Variants in C12orf42 observed in about 807,000 individuals in gnomAD.
The protein encoded by C12orf42 is chromosome 12 open reading frame 42.
C12orf42 carries 25 observed loss-of-function variants against 21.6 expected under a neutral mutation model. The observed-to-expected ratio is 1.16, with a 90% CI of 0.84 to 1.62. The LOEUF (loss-of-function observed/expected upper bound fraction) is 1.62, where lower values mean the gene tolerates loss of function less well. C12orf42 is among the 40% of genes most tolerant of loss of function. The pLI, the probability that C12orf42 is intolerant of heterozygous loss-of-function variation, is 0.00. For synonymous variants in C12orf42, 174 were observed against 175.0 expected, an observed-to-expected ratio of 0.99 and a Z score of 0.05; for missense variants, 483 against 459.3, an observed-to-expected ratio of 1.05 and a Z score of -0.47.
chr12:103,501,120 T>C, the C12orf42 span, among the ~76,000 whole-genome samples: 37 of 152,182 alleles, frequency 2.4e-4, no homozygotes, highest in South Asian at 6.2e-4. Flanking sequence ...AGTCACAAGA[T>C]TGTGAGACGG....
chr12:103,461,793 C>G (rs1952721185), intron 2 of C12orf42, among the ~76,000 whole-genome samples: 3 of 152,214 alleles, frequency 2.0e-5, no homozygotes, highest in Admixed American at 2.0e-4. Context: ...TTCAGAATCT[C>G]CATTTCTACA....
chr12:103,500,257 T>A (rs1196543590), upstream of C12orf42, among the ~76,000 whole-genome samples: 1 of 152,216 alleles, frequency 6.6e-6, no homozygotes, highest in Non-Finnish European at 1.5e-5. Context: ...GTGAAGCATG[T>A]TTGAAAGATA....
chr12:103,068,026 T>C, the C12orf42 span, among the ~76,000 whole-genome samples: 3 of 152,092 alleles, frequency 2.0e-5, no homozygotes, highest in Admixed American at 6.5e-5. Context: ...CCTTCAGGAA[T>C]GAAGGTTTGT....
chr12:103,286,762 TAA>T (rs1429085419), intron 4 of C12orf42, among the ~76,000 whole-genome samples: 1 of 152,082 alleles, frequency 6.6e-6, no homozygotes, highest in African/African-American at 2.4e-5. Context: ...CAAATTGGAA[TAA>T]GTTGATATAT....
intron 4 of C12orf42, among the ~76,000 whole-genome samples, chr12:103,277,620 T>C (rs1426403291): frequency 6.6e-6 from 1 of 151,354 alleles, no homozygotes; most frequent in Admixed American, 6.6e-5. Context: ...TTTTTCTTTT[T>C]CTTTTTCTTT....
the C12orf42 span, among the ~76,000 whole-genome samples, chr12:103,551,573 T>C: frequency 6.6e-6 from 1 of 152,086 alleles, no homozygotes; most frequent in South Asian, 2.1e-4. Context: ...TCCCAGCACT[T>C]TGGGAGGCCA....
At chr12:103,552,870 C>G in the C12orf42 span, among the ~76,000 whole-genome samples, 1 of 152,090 alleles carries the variant, frequency 6.6e-6, no homozygotes, top group African/African-American at 2.4e-5. Flanking sequence ...AGGGAAGAGG[C>G]ATATCTTATG....
chr12:103,407,955 C>A (rs1215176489), intron 2 of C12orf42, among the ~76,000 whole-genome samples: 1 of 152,098 alleles, frequency 6.6e-6, no homozygotes, highest in Non-Finnish European at 1.5e-5. Flanking sequence ...CACAGCTAGC[C>A]CTATGGAGTC....
chr12:103,436,582 A>G (rs1308255378), intron 2 of C12orf42, among the ~76,000 whole-genome samples: 1 of 150,258 alleles, frequency 6.7e-6, no homozygotes, highest in Non-Finnish European at 1.5e-5. Flanking sequence ...GGAAAACAAA[A>G]AAAGGCAGGG....
intron 10 of C12orf42, among the ~76,000 whole-genome samples, chr12:103,255,790 G>T (rs2034531995): frequency 6.6e-6 from 1 of 151,222 alleles, no homozygotes; most frequent in Non-Finnish European, 1.5e-5. Context: ...GATGGCTCAC[G>T]CCTGTAATCC....
chr12:103,270,565 TTTA>T (rs2035409691), intron 5 of C12orf42, among the ~76,000 whole-genome samples: 1 of 78,222 alleles, frequency 1.3e-5, no homozygotes, highest in Non-Finnish European at 2.6e-5. Flanking sequence ...TTTTATTTTA[TTTA>T]TTTATTTATT....
intron 3 of C12orf42, among the ~76,000 whole-genome samples, chr12:103,382,916 A>G (rs1038233775): frequency 1.3e-5 from 2 of 152,048 alleles, no homozygotes; most frequent in Non-Finnish European, 2.9e-5. Flanking sequence ...TATACCCATC[A>G]CTGATTAACC....
chr12:103,555,046 A>C, the C12orf42 span, among the ~76,000 whole-genome samples: 2 of 152,296 alleles, frequency 1.3e-5, no homozygotes, highest in Non-Finnish European at 2.9e-5. Context: ...ATCTCTGGAA[A>C]ATAGCAGGGT....
At chr12:103,066,316 C>A in the C12orf42 span, among the ~76,000 whole-genome samples, 1 of 152,126 alleles carries the variant, frequency 6.6e-6, no homozygotes, top group African/African-American at 2.4e-5. Flanking sequence ...CGTGACTGGG[C>A]TGGAGCAGGT....
At chr12:103,167,574 C>T in the C12orf42 span, among the ~76,000 whole-genome samples, 1 of 152,084 alleles carries the variant, frequency 6.6e-6, no homozygotes, top group African/African-American at 2.4e-5. Context: ...CTGTTTCAAC[C>T]CAGTGGATTT....
At chr12:103,379,594 G>A (rs765377903) in intron 3 of C12orf42, among the ~76,000 whole-genome samples, 3 of 152,152 alleles carry the variant, frequency 2.0e-5, no homozygotes, top group East Asian at 1.9e-4. Flanking sequence ...TGTAGCGATG[G>A]GGTTTGGATC....
At chr12:103,068,453 A>T in the C12orf42 span, among the ~76,000 whole-genome samples, 2 of 152,052 alleles carry the variant, frequency 1.3e-5, no homozygotes, top group South Asian at 2.1e-4. Flanking sequence ...GGAGATGTGT[A>T]TGGGTTCAGG....
At chr12:103,361,003 G>GA (rs1015619755) in intron 4 of C12orf42, among the ~76,000 whole-genome samples, 9 of 152,000 alleles carry the variant, frequency 5.9e-5, no homozygotes, top group African/African-American at 9.7e-5. Context: ...GGATCTGGGG[G>GA]AAAAAAATGT....
At chr12:103,106,129 C>T in the C12orf42 span, among the ~76,000 whole-genome samples, 1 of 152,012 alleles carries the variant, frequency 6.6e-6, no homozygotes. Context: ...AATATATTCC[C>T]TCCTGTGGAA....
Sources: gnomAD v4.1 joint callset for allele counts (sites outside exome capture counted in the v4.1 genomes callset) on GRCh38, gnomAD v4.1.1 for gene constraint, MANE v1.5 for transcripts, NCBI Gene and HGNC (gene_info 2026-07-23, HGNC 2026-07-21) for gene names.